The following SULF2 variants were observed in gnomAD, a reference collection of about 807,000 sequenced individuals.
SULF2 encodes the protein sulfatase 2, also known as extracellular sulfatase Sulf-2.
SULF2 carries 52 observed loss-of-function variants against 107.7 expected under a neutral mutation model. That is an observed-to-expected ratio of 0.48 (90% CI 0.39 to 0.61). SULF2 has a LOEUF of 0.61. SULF2 is among the 20% of genes least tolerant of loss of function. The pLI, the probability that SULF2 is intolerant of heterozygous loss-of-function variation, is 0.00. For missense variants in SULF2, 993 were observed against 1,177.3 expected, an observed-to-expected ratio of 0.84 and a Z score of 2.29; for synonymous variants, 460 against 464.3, an observed-to-expected ratio of 0.99 and a Z score of 0.12.
intron 1 of SULF2, among the ~76,000 whole-genome samples, chr20:47,768,036 T>C (rs1487306264): frequency 6.6e-6 from 1 of 152,122 alleles, no homozygotes; most frequent in Non-Finnish European, 1.5e-5. Flanking sequence ...AATCAGAGCC[T>C]CCCCACCCCT....
At chr20:47,660,968 A>G (rs8126406) in intron 18 of SULF2, among the ~76,000 whole-genome samples, 2,592 of 152,204 alleles carry the variant, frequency 0.017, 68 homozygotes, top group African/African-American at 0.059. Context: ...AGTCCAAGCC[A>G]CCACCATTTC....
chr20:47,695,025 A>C (rs1373477058), intron 4 of SULF2, among the ~76,000 whole-genome samples: 8 of 152,226 alleles, frequency 5.3e-5, no homozygotes, highest in Admixed American at 2.0e-4. Flanking sequence ...CACAGATAAC[A>C]TTATTAATGA....
intron 9 of SULF2, among the ~76,000 whole-genome samples, 188 bp downstream of exon 9, chr20:47,676,890 A>G (rs1419445007): frequency 6.6e-6 from 1 of 152,242 alleles, no homozygotes; most frequent in East Asian, 1.9e-4. Flanking sequence ...CCAAAAGCGT[A>G]CACGTGACCT....
At chr20:47,755,234 T>C (rs1381296752) in intron 2 of SULF2, among the ~76,000 whole-genome samples, 2 of 152,260 alleles carry the variant, frequency 1.3e-5, no homozygotes, top group South Asian at 2.1e-4. Flanking sequence ...TCTCTGTATT[T>C]TAAGTCAGCC....
At chr20:47,751,227 G>C (rs1281829477) in intron 2 of SULF2, among the ~76,000 whole-genome samples, 1 of 152,220 alleles carries the variant, frequency 6.6e-6, no homozygotes, top group Non-Finnish European at 1.5e-5. Context: ...GGTGTCACGA[G>C]CATCTCTCTA....
chr20:47,740,774 G>A (rs1174700647), intron 2 of SULF2, among the ~76,000 whole-genome samples: 1 of 152,102 alleles, frequency 6.6e-6, no homozygotes, highest in Non-Finnish European at 1.5e-5. Flanking sequence ...GGTAAAACCC[G>A]GACCTGACAT....
rs80314714 is a variant in SULF2, at chr20:47,746,552, G to C, written c.176-9610C>G. Among the ~76,000 whole-genome samples, 524 of 152,280 alleles carry C rather than the reference G, an allele frequency of 3.4e-3. 3 individuals carry two copies. The highest frequency in any genetic ancestry group is 0.01 in the African/African-American group (418 of 41,568). On this transcript the variant is annotated intron_variant, in intron 2 of 20. Coordinates refer to ENST00000688720, the MANE Select transcript of SULF2 (RefSeq NM_001387048.1). ...CTGCTAATGGGCTGCAGCAGGCTGG[G>C]CTCCATCAGACCTGACCAACTGCCC... is the stretch of plus-strand genomic sequence containing the variant.
At chr20:47,679,194 G>A (rs1272411610) in intron 7 of SULF2, among the ~76,000 whole-genome samples, 2 of 152,074 alleles carry the variant, frequency 1.3e-5, no homozygotes, top group Non-Finnish European at 2.9e-5. Context: ...TTCCTTGACA[G>A]CCCAGGCACA....
At chr20:47,740,901 C>T (rs938108021) in intron 2 of SULF2, among the ~76,000 whole-genome samples, 2 of 152,124 alleles carry the variant, frequency 1.3e-5, no homozygotes, top group Admixed American at 1.3e-4. Context: ...TCCTGCTCCT[C>T]CCGAAGCCAC....
Position 47,663,441 on chromosome 20 carries a change from G to A in SULF2, c.2227+12C>T, listed in dbSNP as rs1358216036. 6.2e-7 allele frequency: 1 copy of A among 1,606,388 alleles called. No individual in the cohort carries two copies. Among genetic ancestry groups the A allele is most frequent in the South Asian group, 1.1e-5 (1 of 91,066 alleles). ...GCCTCAGCCTGTCCACCCCTGCCCT[G>A]GGCTTGCTCACGTGTCCAGAAAGGC... On this transcript the variant is annotated intron_variant, in intron 16 of 20. Transcript: ENST00000688720.
rs148970414 is a variant in SULF2, at chr20:47,719,043, A to T, written c.416-16373T>A. 5.0e-3 allele frequency among the ~76,000 whole-genome samples: 767 copies of T among 152,342 alleles called. 8 individuals are homozygous for T. Among genetic ancestry groups the T allele is most frequent in the African/African-American group, 0.017 (726 of 41,580 alleles). The stretch of plus-strand genomic sequence containing the variant: ...TAACCTATAACTAGCATCCCCTTCA[A>T]TTATGAATGATGGTCCCTGGGACTT... On this transcript the variant is annotated intron_variant, in intron 3 of 20. Transcript: ENST00000688720.
chr20:47,684,775 C>G, intron 5 of SULF2, 194 bp from the exon 6 acceptor site: 1 of 539,192 alleles, frequency 1.9e-6, no homozygotes, highest in East Asian at 3.4e-5. Flanking sequence ...CGTTTCTCCA[C>G]GTGTGAAGTG....
chr20:47,713,672 C>T (rs565744988), intron 3 of SULF2, among the ~76,000 whole-genome samples: 1 of 151,910 alleles, frequency 6.6e-6, no homozygotes, highest in South Asian at 2.1e-4. Context: ...ATCACTTGAG[C>T]CCAGGAGTTT....
intron 9 of SULF2, 135 bp from the exon 10 acceptor site, chr20:47,676,758 C>G: frequency 9.5e-7 from 1 of 1,051,558 alleles, no homozygotes; most frequent in South Asian, 1.7e-5. Context: ...GGGCCACCTG[C>G]CCGGGTCTTC....
chr20:47,734,608 T>C (rs2146775416), intron 3 of SULF2, among the ~76,000 whole-genome samples: 1 of 152,354 alleles, frequency 6.6e-6, no homozygotes, highest in South Asian at 2.1e-4. Flanking sequence ...ATGTGGCTCT[T>C]ATTATGTAAT....
chr20:47,766,385 C>T (rs939864926), intron 1 of SULF2, among the ~76,000 whole-genome samples: 4 of 152,184 alleles, frequency 2.6e-5, no homozygotes, highest in African/African-American at 9.7e-5. Flanking sequence ...GGCAGAGAAC[C>T]AAGCCGGCTC....
At chr20:47,682,425 T>A (rs1591171) in intron 7 of SULF2, among the ~76,000 whole-genome samples, 1 of 151,860 alleles carries the variant, frequency 6.6e-6, no homozygotes, top group Admixed American at 6.5e-5. Context: ...CCGGGAACAG[T>A]GGCCTGTCCG....
intron 1 of SULF2, among the ~76,000 whole-genome samples, chr20:47,763,140 GACA>G (rs1426762011): frequency 2.6e-5 from 4 of 151,996 alleles, no homozygotes; most frequent in Non-Finnish European, 5.9e-5. Flanking sequence ...CCCTGCTGTG[GACA>G]ACACCTCTCC....
chr20:47,658,150 CA>C lies in SULF2; in HGVS notation c.*211del. 1.6e-6 allele frequency: 1 copy of C among 608,716 alleles called. No individual in the cohort carries two copies. The allele number at this position is 608,716 out of a possible 1,614,324, so 37.7% of individuals were successfully genotyped here. A position where few individuals can be genotyped will look rare whatever the true frequency, so the allele number is the denominator to read the frequency against. ...GCAGCTGGTGAGGTATAATCCAAAG[CA>C]AAAGCAGGGGCAAAAATGGACTTCC... On this transcript the variant is annotated 3_prime_UTR_variant, in exon 21 of 21. Coordinates refer to ENST00000688720, the MANE Select transcript of SULF2 (RefSeq NM_001387048.1).
Sources: gnomAD v4.1 joint callset for allele counts (sites outside exome capture counted in the v4.1 genomes callset) on GRCh38, gnomAD v4.1.1 for gene constraint, MANE v1.5 for transcripts, NCBI Gene and HGNC (gene_info 2026-07-23, HGNC 2026-07-21) for gene names.